ASPRV1: variants seen among roughly 807,000 people sequenced by gnomAD.
ASPRV1 encodes retroviral-like aspartic protease 1.
In ASPRV1, 7 loss-of-function variants were observed where a neutral mutation model predicts 11.0. The observed-to-expected ratio is 0.64, with a 90% CI of 0.36 to 1.20. The LOEUF (loss-of-function observed/expected upper bound fraction) is 1.20. Among genes scored for constraint, ASPRV1 ranks in the 50% most tolerant of loss-of-function variants. ASPRV1 has a pLI of 0.02. For synonymous variants in ASPRV1, 136 were observed against 138.4 expected (o/e 0.98, Z 0.12); for missense variants, 299 against 320.0 (o/e 0.93, Z 0.50).
chr2:70,061,083 A>C, the ASPRV1 span, among the ~76,000 whole-genome samples: 1 of 151,980 alleles, frequency 6.6e-6, no homozygotes, highest in African/African-American at 2.4e-5. Flanking sequence ...AAAGGAGATA[A>C]TGCTTACTTG....
At chr2:70,067,137 C>T in the ASPRV1 span, among the ~76,000 whole-genome samples, 34,584 of 152,008 alleles carry the variant, frequency 0.23, 6,962 homozygotes, top group African/African-American at 0.51. Context: ...ACGTACAGGG[C>T]AGTAGCAATG....
At chr2:69,973,830 CTAGA>C in the ASPRV1 span, among the ~76,000 whole-genome samples, 2 of 152,210 alleles carry the variant, frequency 1.3e-5, no homozygotes, top group Non-Finnish European at 2.9e-5. Flanking sequence ...CTTCTTAAGT[CTAGA>C]TAGTCAACCA....
At chr2:69,935,423 C>T in the ASPRV1 span, 1 of 1,614,050 alleles carries the variant, frequency 6.2e-7, no homozygotes, top group South Asian at 1.1e-5. Context: ...CAAGTCGACA[C>T]ACTACGTTGA....
the ASPRV1 span, among the ~76,000 whole-genome samples, chr2:69,984,199 C>T: frequency 6.6e-6 from 1 of 152,126 alleles, no homozygotes; most frequent in Non-Finnish European, 1.5e-5. Context: ...CCACCATACC[C>T]AGCTAATTTT....
At chr2:70,077,490 A>G in the ASPRV1 span, 14 of 152,120 alleles carry the variant, frequency 9.2e-5, no homozygotes, top group African/African-American at 3.4e-4. Context: ...CTTCATTAGG[A>G]AAAAAAACCA....
the ASPRV1 span, among the ~76,000 whole-genome samples, chr2:69,985,494 G>A: frequency 6.6e-6 from 1 of 152,100 alleles, no homozygotes; most frequent in Non-Finnish European, 1.5e-5. Flanking sequence ...CAAGCCTTTG[G>A]GTTTCTTTGT....
chr2:70,086,092 G>T, the ASPRV1 span: 1 of 152,176 alleles, frequency 6.6e-6, no homozygotes, highest in African/African-American at 2.4e-5. Flanking sequence ...CAAATTAAAG[G>T]GAGGAAAACG....
the ASPRV1 span, among the ~76,000 whole-genome samples, chr2:70,014,940 G>A: frequency 6.6e-6 from 1 of 151,822 alleles, no homozygotes; most frequent in Non-Finnish European, 1.5e-5. Flanking sequence ...CAACAACAAA[G>A]GGCAAATGCC....
the ASPRV1 span, among the ~76,000 whole-genome samples, chr2:70,059,089 T>G: frequency 6.6e-6 from 1 of 150,600 alleles, no homozygotes; most frequent in African/African-American, 2.4e-5. Context: ...GACAGGGTTT[T>G]CACCACGTTA....
the ASPRV1 span, among the ~76,000 whole-genome samples, chr2:70,024,495 G>A: frequency 1.3e-5 from 2 of 152,196 alleles, no homozygotes; most frequent in African/African-American, 2.4e-5. Flanking sequence ...CCAGGGCTGA[G>A]CCAGGATGCC....
chr2:69,979,488 G>C, the ASPRV1 span, among the ~76,000 whole-genome samples: 2 of 152,216 alleles, frequency 1.3e-5, no homozygotes, highest in African/African-American at 4.8e-5. Flanking sequence ...GGAGTGGGAA[G>C]AGGGCAGAGG....
the ASPRV1 span, among the ~76,000 whole-genome samples, chr2:69,952,638 G>T: frequency 6.6e-6 from 1 of 152,128 alleles, no homozygotes; most frequent in African/African-American, 2.4e-5. Flanking sequence ...AGAGAAAAGA[G>T]ATTGCCACAT....
chr2:70,022,352 CACACACACTT>C, the ASPRV1 span, among the ~76,000 whole-genome samples: 1 of 96,876 alleles, frequency 1.0e-5, no homozygotes, highest in Admixed American at 1.4e-4. Flanking sequence ...CCAAAACACA[CACACACACTT>C]ACACACACAC....
At chr2:69,957,564 G>A (rs1220912803), downstream of ASPRV1, among the ~76,000 whole-genome samples, 1 of 151,654 alleles carries the variant, frequency 6.6e-6, no homozygotes, top group Non-Finnish European at 1.5e-5. Context: ...GAATGTTCTA[G>A]GCCAGGGCTT....
At chr2:69,993,103 G>A in the ASPRV1 span, among the ~76,000 whole-genome samples, 1 of 152,226 alleles carries the variant, frequency 6.6e-6, no homozygotes, top group Non-Finnish European at 1.5e-5. Context: ...GCCAGGGAGT[G>A]GGGAGGAATC....
the ASPRV1 span, chr2:69,938,399 C>A: frequency 9.4e-7 from 1 of 1,059,204 alleles, no homozygotes; most frequent in Non-Finnish European, 1.4e-6. Flanking sequence ...CCCACCTTGA[C>A]CAAAATCAGC....
At chr2:70,048,332 G>A in the ASPRV1 span, among the ~76,000 whole-genome samples, 13 of 145,832 alleles carry the variant, frequency 8.9e-5, no homozygotes, top group African/African-American at 2.5e-4. Context: ...GGAGAATGGC[G>A]TGAACCCAGG....
the ASPRV1 span, chr2:70,073,057 C>G: frequency 2.6e-5 from 4 of 152,074 alleles, no homozygotes; most frequent in Non-Finnish European, 2.9e-5. Flanking sequence ...TGTGACAGAG[C>G]AAGACCCTAT....
At chr2:70,078,174 A>G in the ASPRV1 span, among the ~76,000 whole-genome samples, 5 of 152,202 alleles carry the variant, frequency 3.3e-5, no homozygotes, top group Non-Finnish European at 7.3e-5. Context: ...ATAATAATTA[A>G]ATAAATTTAT....
Sources: gnomAD v4.1 joint callset for allele counts (sites outside exome capture counted in the v4.1 genomes callset) on GRCh38, gnomAD v4.1.1 for gene constraint, MANE v1.5 for transcripts, NCBI Gene and HGNC (gene_info 2026-07-23, HGNC 2026-07-21) for gene names.